Variants in BCAS3 observed in about 807,000 individuals in gnomAD.
The protein encoded by BCAS3 is BCAS3 microtubule associated cell migration factor.
A neutral mutation model predicts 116.1 loss-of-function variants in BCAS3; 53 were observed. The ratio of observed to expected loss-of-function variants is 0.46; its 90% CI spans 0.37 to 0.57. BCAS3 has a LOEUF of 0.57. Among genes scored for constraint, BCAS3 ranks in the 20% least tolerant of loss-of-function variants. BCAS3 has a pLI of 0.00. For missense variants in BCAS3, 917 were observed against 1,165.4 expected (o/e 0.79, Z 3.10); for synonymous variants, 391 against 408.2 (o/e 0.96, Z 0.51).
chr17:61,242,528 G>A (rs767409712), intron 22 of BCAS3, among the ~76,000 whole-genome samples: 6 of 152,040 alleles, frequency 3.9e-5, no homozygotes, highest in Non-Finnish European at 5.9e-5. Context: ...GACAAGACCC[G>A]CCTGTGATGC....
chr17:61,225,207 T>G (rs952568283), intron 22 of BCAS3, among the ~76,000 whole-genome samples: 1 of 151,972 alleles, frequency 6.6e-6, no homozygotes, highest in African/African-American at 2.4e-5. Flanking sequence ...CCTTTATTCT[T>G]TCCTGACCAT....
chr17:60,890,224 C>G (rs966757803), intron 10 of BCAS3, among the ~76,000 whole-genome samples: 2 of 152,120 alleles, frequency 1.3e-5, no homozygotes, highest in Non-Finnish European at 2.9e-5. Flanking sequence ...GAGGCTGAGG[C>G]AGGTGGATCA....
intron 5 of BCAS3, among the ~76,000 whole-genome samples, chr17:60,712,844 C>T (rs766367534): frequency 1.4e-4 from 22 of 152,202 alleles, no homozygotes; most frequent in Non-Finnish European, 2.4e-4. Context: ...GGAGGAATGT[C>T]GTCAGTTTTG....
intron 22 of BCAS3, among the ~76,000 whole-genome samples, chr17:61,283,200 G>T (rs1357578411): frequency 6.6e-6 from 1 of 152,048 alleles, no homozygotes; most frequent in Non-Finnish European, 1.5e-5. Flanking sequence ...TAATACAAAG[G>T]TGACCATTTT....
chr17:60,693,577 G>A (rs1363832885), intron 4 of BCAS3, among the ~76,000 whole-genome samples: 2 of 151,328 alleles, frequency 1.3e-5, no homozygotes, highest in Non-Finnish European at 2.9e-5. Flanking sequence ...ACTATGCCTG[G>A]CTAATTTTTT....
rs1017644691 is a variant in BCAS3, at chr17:61,233,713, C to T, written c.2426-134614C>T. Among the ~76,000 whole-genome samples the T allele has an allele frequency of 6.6e-6, 1 of 152,166 alleles. No homozygotes were observed. The highest frequency in any genetic ancestry group is 2.4e-5 in the African/African-American group (1 of 41,450). On this transcript the variant is annotated intron_variant, in intron 22 of 23. Coordinates refer to ENST00000407086, the MANE Select transcript of BCAS3 (RefSeq NM_017679.5). The surrounding 1 kb of genome is among the most constrained non-coding windows in gnomAD (Gnocchi z 4.3). ...GAAAGCATGGATTAGGCTAGCTCTT[C>T]GTCAAACCTCCCTTCTCAATTCACC...
Position 61,084,660 on chromosome 17 carries a change from T to C in BCAS3, c.2425+96T>C, listed in dbSNP as rs376063246. On this transcript the variant is annotated intron_variant, in intron 22 of 23. Coordinates refer to ENST00000407086, the MANE Select transcript of BCAS3 (RefSeq NM_017679.5). The surrounding 1 kb of genome is among the most constrained non-coding windows in gnomAD (Gnocchi z 5.5). Reference sequence around the variant, plus strand: ...AGAGGATGACATTTATTTGCTTTCCTCTCTGTTTTTTTGTTTTGTGGTGTG... The same window carrying C: ...AGAGGATGACATTTATTTGCTTTCCCCTCTGTTTTTTTGTTTTGTGGTGTG... 28 of 1,069,098 alleles carry C rather than the reference T, an allele frequency of 2.6e-5. No individual in the cohort carries two copies. The East Asian group carries it at 5.9e-4, about 23-fold the overall frequency. 66.2% of individuals were successfully genotyped at this position (1,069,098 alleles called of 1,614,324 possible).
At chr17:60,745,428 T>C (rs1233023420) in intron 5 of BCAS3, among the ~76,000 whole-genome samples, 5 of 152,008 alleles carry the variant, frequency 3.3e-5, no homozygotes, top group Non-Finnish European at 7.4e-5. Flanking sequence ...ATCTGTAATA[T>C]AATTAGATTA....
rs747039227 is a variant in BCAS3 at position 61,186,716 on chromosome 17, G to GT, written c.2425+102164dup. Among the ~76,000 whole-genome samples the GT allele has an allele frequency of 2.4e-3, 343 of 144,180 alleles. 1 individual carries two copies. Among genetic ancestry groups the GT allele is most frequent in the East Asian group, 0.011 (55 of 4,994 alleles). 94.6% of individuals were successfully genotyped at this position (144,180 alleles called of 152,430 possible). A position where few individuals can be genotyped will look rare whatever the true frequency, so the allele number is the denominator to read the frequency against. Reference sequence around the variant, plus strand: ...TTAGAGGCCACCAATATTAACAGTTGTTTTTTTTTTTTGAGACGGAGTCTC... The same window carrying GT: ...TTAGAGGCCACCAATATTAACAGTTGTTTTTTTTTTTTTGAGACGGAGTCTC... On this transcript the variant is annotated intron_variant, in intron 22 of 23. Transcript: ENST00000407086. This position sits in a 1 kb window ranked among gnomAD's most constrained non-coding sequence, Gnocchi z 4.9.
Position 61,019,197 on chromosome 17 carries a change from A to G in BCAS3, c.1637+3296A>G, listed in dbSNP as rs554051904. ...CCGCCTGAGCTCTGCCTCCTGTCAG[A>G]TCAGCATCGGCATTAGATTCTCGTT... On this transcript the variant is annotated intron_variant, in intron 16 of 23. Coordinates refer to ENST00000407086, the MANE Select transcript of BCAS3 (RefSeq NM_017679.5). This position sits in a 1 kb window ranked among gnomAD's most constrained non-coding sequence, Gnocchi z 5.6. 2.6e-5 allele frequency among the ~76,000 whole-genome samples: 4 copies of G among 152,294 alleles called. No homozygotes were observed. In the East Asian group the frequency reaches 5.8e-4, roughly 22 times the overall value.
intron 14 of BCAS3, among the ~76,000 whole-genome samples, chr17:60,985,942 G>A (rs542590138): frequency 6.6e-6 from 1 of 152,296 alleles, no homozygotes; most frequent in South Asian, 2.1e-4. Context: ...TCACCATGTT[G>A]ACCAGGCTGG....
chr17:60,773,378 A>G (rs760289350), intron 6 of BCAS3, among the ~76,000 whole-genome samples: 5 of 136,734 alleles, frequency 3.7e-5, no homozygotes, highest in Non-Finnish European at 6.0e-5. Context: ...TGCAGCCTTG[A>G]CCTCCCAGGC....
chr17:61,338,976 A>G (rs1034771468), intron 22 of BCAS3, among the ~76,000 whole-genome samples: 2 of 150,932 alleles, frequency 1.3e-5, no homozygotes, highest in African/African-American at 4.9e-5. Context: ...ATGGCAGTCA[A>G]GTCCCTCTTC....
rs2060150388 is a variant in BCAS3, at chr17:61,391,892, T to G, written c.2594-85T>G. Reference sequence around the variant, plus strand: ...ACACAAGTGAACCCAGAATGGTGCCTCAAGGCAGGCAGCCTGGCCCAGATG... The same window carrying G: ...ACACAAGTGAACCCAGAATGGTGCCGCAAGGCAGGCAGCCTGGCCCAGATG... On this transcript the variant is annotated intron_variant, in intron 23 of 23. Transcript: ENST00000407086. The surrounding 1 kb of genome is among the most constrained non-coding windows in gnomAD (Gnocchi z 7.7). 6.7e-6 allele frequency: 10 copies of G among 1,484,508 alleles called. No individual in the cohort carries two copies. Among genetic ancestry groups the G allele is most frequent in the Non-Finnish European group, 9.1e-6 (10 of 1,093,614 alleles). The allele number at this position is 1,484,508 out of a possible 1,614,324, so 92.0% of individuals were successfully genotyped here.
intron 12 of BCAS3, among the ~76,000 whole-genome samples, chr17:60,923,336 G>T (rs2059202680): frequency 6.6e-6 from 1 of 152,144 alleles, no homozygotes; most frequent in Admixed American, 6.5e-5. Flanking sequence ...TGTGCAAGTT[G>T]TATCTTTGTA....
rs930129350 is a variant in BCAS3, at chr17:61,189,147, C to T, written c.2425+104583C>T. 3.3e-5 allele frequency among the ~76,000 whole-genome samples: 5 copies of T among 152,120 alleles called. No individual in the cohort carries two copies. The highest frequency in any genetic ancestry group is 7.4e-5 in the Non-Finnish European group (5 of 68,012). On this transcript the variant is annotated intron_variant, in intron 22 of 23. Coordinates refer to ENST00000407086, the MANE Select transcript of BCAS3 (RefSeq NM_017679.5). The surrounding 1 kb of genome is among the most constrained non-coding windows in gnomAD (Gnocchi z 4.5). ...AAAGAGAGAGAGAGAGAGAACAGCA[C>T]ACTTCAAAGGGTATGGTCTTTGTTG...
intron 22 of BCAS3, among the ~76,000 whole-genome samples, chr17:61,157,101 T>C (rs2077889551): frequency 6.6e-6 from 1 of 152,194 alleles, no homozygotes; most frequent in South Asian, 2.1e-4. Context: ...ATTTTAACTT[T>C]TCTTTCCTGT....
chr17:61,089,751 C>T (rs1453625336), intron 22 of BCAS3, among the ~76,000 whole-genome samples: 1 of 151,528 alleles, frequency 6.6e-6, no homozygotes, highest in Admixed American at 6.6e-5. Flanking sequence ...AGGCTAGTCT[C>T]GAACTTCTGA....
intron 22 of BCAS3, among the ~76,000 whole-genome samples, chr17:61,230,119 T>G (rs1392572249): frequency 6.7e-6 from 1 of 148,334 alleles, no homozygotes; most frequent in Non-Finnish European, 1.5e-5. Context: ...AGCGAGACTC[T>G]GTCTCAAAAA....
Sources: allele counts gnomAD v4.1 joint callset (sites outside exome capture counted in the v4.1 genomes callset), GRCh38; gene constraint gnomAD v4.1.1; non-coding constraint Gnocchi (gnomAD v3.1); transcripts MANE v1.5; gene names NCBI Gene and HGNC (gene_info 2026-07-23, HGNC 2026-07-21).